Variants in TRAPPC9 observed in about 807,000 individuals in gnomAD.
TRAPPC9 encodes IKK2 binding protein.
TRAPPC9 carries 83 observed loss-of-function variants against 124.0 expected under a neutral mutation model. The ratio of observed to expected loss-of-function variants is 0.67; its 90% CI spans 0.56 to 0.80. The LOEUF is 0.80. Among genes scored for constraint, TRAPPC9 ranks in the 30% least tolerant of loss-of-function variants. TRAPPC9 has a pLI of 0.00. For synonymous variants in TRAPPC9, 638 were observed against 617.5 expected, an observed-to-expected ratio of 1.03 and a Z score of -0.49; for missense variants, 1,302 against 1,508.3, an observed-to-expected ratio of 0.86 and a Z score of 2.27.
At chr8:140,211,874 T>C (rs927669120) in intron 17 of TRAPPC9, among the ~76,000 whole-genome samples, 2 of 152,066 alleles carry the variant, frequency 1.3e-5, no homozygotes, top group African/African-American at 2.4e-5. Flanking sequence ...CTTACAGTGA[T>C]GGGGAGCTCA....
At chr8:139,824,312 G>A (rs746175750) in intron 21 of TRAPPC9, among the ~76,000 whole-genome samples, 1 of 152,144 alleles carries the variant, frequency 6.6e-6, no homozygotes, top group Non-Finnish European at 1.5e-5. Context: ...GATGCCAAGC[G>A]TGCTTCCTGT....
intron 17 of TRAPPC9, among the ~76,000 whole-genome samples, chr8:140,190,932 G>A (rs538063228): frequency 6.6e-6 from 1 of 152,268 alleles, no homozygotes; most frequent in Non-Finnish European, 1.5e-5. Context: ...ATGGTTGAGG[G>A]CTTCTCCAAC....
At chr8:140,136,350 C>CGGCTGCCTGGCAG (rs1332247289) in intron 17 of TRAPPC9, among the ~76,000 whole-genome samples, 2 of 152,176 alleles carry the variant, frequency 1.3e-5, no homozygotes, top group Non-Finnish European at 2.9e-5. Context: ...GCACGAGGCC[C>CGGCTGCCTGGCAG]GGCTGCCTGG....
At chr8:140,294,395 T>C (rs550839220) in intron 11 of TRAPPC9, among the ~76,000 whole-genome samples, 2 of 152,034 alleles carry the variant, frequency 1.3e-5, no homozygotes, top group South Asian at 4.2e-4. Context: ...TCACCACAAA[T>C]GAAGAAGGTC....
At chr8:139,873,451 C>T (rs1829129357) in intron 21 of TRAPPC9, among the ~76,000 whole-genome samples, 1 of 152,196 alleles carries the variant, frequency 6.6e-6, no homozygotes. Context: ...ACCCCTCCAT[C>T]AGGCTGTGAG....
intron 15 of TRAPPC9, among the ~76,000 whole-genome samples, chr8:140,268,696 G>A (rs569276561): frequency 6.6e-6 from 1 of 152,272 alleles, no homozygotes; most frequent in Non-Finnish European, 1.5e-5. Context: ...AGCCAGGGTG[G>A]CCCTATGTGC....
chr8:139,897,828 G>C (rs1279346055), intron 20 of TRAPPC9, among the ~76,000 whole-genome samples: 2 of 152,240 alleles, frequency 1.3e-5, no homozygotes, highest in South Asian at 4.1e-4. Flanking sequence ...CAGCGTGCCA[G>C]AGTGACGGGG....
In TRAPPC9 at chr8:140,194,590, C is replaced by A. The variant is rs141579159; in HGVS notation, c.2556+26869G>T. On this transcript the variant is annotated intron_variant, in intron 17 of 22. Transcript: ENST00000438773. ...ACACAGAGGCCAACTGTAACTGAGG[C>A]TCCTGAAATACACTAGGCACATTCT... is the stretch of plus-strand genomic sequence containing the variant. Among the ~76,000 whole-genome samples the A allele has an allele frequency of 2.3e-3, 350 of 152,278 alleles. 2 individuals carry two copies. Among genetic ancestry groups the A allele is most frequent in the Non-Finnish European group, 2.2e-3 (153 of 68,022 alleles).
At chr8:139,803,077 G>A (rs963362588) in intron 21 of TRAPPC9, among the ~76,000 whole-genome samples, 48 of 152,036 alleles carry the variant, frequency 3.2e-4, no homozygotes, top group African/African-American at 9.4e-4. Flanking sequence ...ACTGTGCTGC[G>A]TGCTTGTTGT....
chr8:140,244,851 G>C (rs1462739254), intron 16 of TRAPPC9, among the ~76,000 whole-genome samples: 1 of 136,014 alleles, frequency 7.4e-6, no homozygotes, highest in Non-Finnish European at 1.5e-5. Flanking sequence ...TCTGACACCA[G>C]GCTGGAGTGC....
chr8:140,109,290 C>G (rs545968566), intron 17 of TRAPPC9, among the ~76,000 whole-genome samples: 2 of 152,178 alleles, frequency 1.3e-5, no homozygotes, highest in South Asian at 4.2e-4. Context: ...AATAATTACT[C>G]CAGGGCAGTA....
At chr8:140,316,197 T>C (rs2066438979) in intron 9 of TRAPPC9, among the ~76,000 whole-genome samples, 1 of 152,102 alleles carries the variant, frequency 6.6e-6, no homozygotes, top group Admixed American at 6.5e-5. Context: ...TTCAGGAATA[T>C]CAAGCAGAAT....
intron 21 of TRAPPC9, among the ~76,000 whole-genome samples, chr8:139,830,924 T>C (rs10111401): frequency 0.6 from 91,187 of 152,186 alleles, 30,258 homozygotes; most frequent in African/African-American, 0.89. Flanking sequence ...TGAACAGTGA[T>C]GAAGTGCACG....
At chr8:140,221,636 T>C in intron 16 of TRAPPC9, 53 bp from the exon 17 acceptor site, 1 of 1,462,778 alleles carries the variant, frequency 6.8e-7, no homozygotes, top group Non-Finnish European at 9.2e-7. Context: ...GTTTTGGGGT[T>C]TGTTGTTGTT....
intron 11 of TRAPPC9, among the ~76,000 whole-genome samples, chr8:140,295,287 T>C (rs902188860): frequency 6.6e-6 from 1 of 152,152 alleles, no homozygotes; most frequent in Non-Finnish European, 1.5e-5. Context: ...AGAAACATTA[T>C]CTCCCTTGAT....
intron 21 of TRAPPC9, among the ~76,000 whole-genome samples, chr8:139,816,950 A>G (rs1824878429): frequency 6.6e-6 from 1 of 152,044 alleles, no homozygotes; most frequent in South Asian, 2.1e-4. Flanking sequence ...CTTTTGCTCC[A>G]GATGATATGC....
chr8:140,209,434 TC>T (rs2063004491), intron 17 of TRAPPC9, among the ~76,000 whole-genome samples: 1 of 152,148 alleles, frequency 6.6e-6, no homozygotes, highest in African/African-American at 2.4e-5. Flanking sequence ...GAACAGGCCG[TC>T]CCCCTTCTCT....
chr8:140,259,773 G>A (rs990330205), intron 15 of TRAPPC9, among the ~76,000 whole-genome samples: 1 of 152,180 alleles, frequency 6.6e-6, no homozygotes, highest in Admixed American at 6.5e-5. Context: ...TTCAGTGAGT[G>A]CACGTTAGGG....
intron 7 of TRAPPC9, among the ~76,000 whole-genome samples, chr8:140,393,952 C>CT (rs1418114141): frequency 5.3e-5 from 8 of 152,300 alleles, no homozygotes; most frequent in African/African-American, 1.9e-4. Flanking sequence ...CACATCTGCA[C>CT]TGTCCCCGCC....
Sources: allele counts gnomAD v4.1 joint callset (sites outside exome capture counted in the v4.1 genomes callset), GRCh38; gene constraint gnomAD v4.1.1; transcripts MANE v1.5; gene names NCBI Gene and HGNC (gene_info 2026-07-23, HGNC 2026-07-21).